The following CNTN4 variants were observed in gnomAD, a reference collection of about 807,000 sequenced individuals.
The protein encoded by CNTN4 is contactin 4.
CNTN4 carries 77 observed loss-of-function variants against 122.5 expected under a neutral mutation model. That is an observed-to-expected ratio of 0.63 (90% confidence interval 0.52 to 0.76). The LOEUF is 0.76. Among genes scored for constraint, CNTN4 ranks in the 30% least tolerant of loss-of-function variants. The probability of loss-of-function intolerance (pLI) is 0.00; values close to 1 mark genes in which losing one functional copy is unlikely to be tolerated. For synonymous variants in CNTN4, 512 were observed against 447.0 expected, an observed-to-expected ratio of 1.15 and a Z score of -1.83; for missense variants, 1,256 against 1,259.1, an observed-to-expected ratio of 1.00 and a Z score of 0.04.
At chr3:2,383,837 C>G (rs1024978391) in intron 3 of CNTN4, among the ~76,000 whole-genome samples, 7 of 151,654 alleles carry the variant, frequency 4.6e-5, no homozygotes, top group African/African-American at 1.7e-4. Context: ...CCCTATCTCA[C>G]TCCATATATA....
At position 3,023,133 on chromosome 3, in the gene CNTN4, C is replaced by T. The variant is rs192319503; in HGVS notation, c.1487-2969C>T. Among the ~76,000 whole-genome samples, 3 of 152,246 alleles carry T rather than the reference C, an allele frequency of 2.0e-5. No individual in the cohort carries two copies. In the East Asian group the frequency reaches 5.8e-4, roughly 29 times the overall value. On this transcript the variant is annotated intron_variant, in intron 14 of 24. Coordinates refer to ENST00000418658, the MANE Select transcript of CNTN4 (RefSeq NM_175607.3). ...TAATCAAGTAAAAAACATCAAAATT[C>T]ACAACACAGAAAACAAGAGTACTGA...
chr3:2,356,934 T>C (rs1000311281), intron 3 of CNTN4, among the ~76,000 whole-genome samples: 3 of 152,246 alleles, frequency 2.0e-5, no homozygotes. Flanking sequence ...TGTTAAAGAC[T>C]AGCACTAGAC....
chr3:2,452,357 C>T (rs548408122), intron 3 of CNTN4, among the ~76,000 whole-genome samples: 1 of 152,126 alleles, frequency 6.6e-6, no homozygotes, highest in Non-Finnish European at 1.5e-5. Context: ...ATGCATCATG[C>T]GAATTCACCG....
chr3:2,952,807 T>C (rs344406), intron 13 of CNTN4, among the ~76,000 whole-genome samples: 121,831 of 152,122 alleles, frequency 0.8, 48,901 homozygotes, highest in Admixed American at 0.85. Flanking sequence ...CTAATTAGAA[T>C]GCAATACCAA....
intron 6 of CNTN4, among the ~76,000 whole-genome samples, chr3:2,807,533 G>T (rs904799829): frequency 6.6e-6 from 1 of 151,386 alleles, no homozygotes; most frequent in African/African-American, 2.4e-5. Context: ...TCAGCATCCA[G>T]TATCCCAAGA....
At chr3:2,383,597 T>C (rs962324732) in intron 3 of CNTN4, among the ~76,000 whole-genome samples, 5 of 152,062 alleles carry the variant, frequency 3.3e-5, no homozygotes, top group African/African-American at 9.6e-5. Flanking sequence ...CTATTTTCTC[T>C]CTCTCTCCTT....
intron 6 of CNTN4, among the ~76,000 whole-genome samples, chr3:2,799,890 A>G (rs2092305197): frequency 6.6e-6 from 1 of 152,224 alleles, no homozygotes; most frequent in African/African-American, 2.4e-5. Context: ...TGAATAGGGT[A>G]TGCTTTCCCC....
intron 4 of CNTN4, among the ~76,000 whole-genome samples, chr3:2,654,381 A>G (rs992962505): frequency 1.3e-5 from 2 of 152,198 alleles, no homozygotes; most frequent in Non-Finnish European, 2.9e-5. Flanking sequence ...TTATTGTGCT[A>G]CTTTCAAAAT....
intron 12 of CNTN4, among the ~76,000 whole-genome samples, chr3:2,904,466 A>G (rs540851817): frequency 6.6e-6 from 1 of 152,340 alleles, no homozygotes; most frequent in South Asian, 2.1e-4. Flanking sequence ...CCTATCAAAG[A>G]TAACGATTGT....
intron 2 of CNTN4, among the ~76,000 whole-genome samples, chr3:2,122,013 G>A (rs1199167541): frequency 4.5e-5 from 6 of 134,244 alleles, no homozygotes; most frequent in Admixed American, 8.4e-5. Flanking sequence ...AAAATTAGCC[G>A]GGCGTGGTGG....
chr3:2,756,332 C>G (rs975269818), intron 6 of CNTN4, among the ~76,000 whole-genome samples: 20 of 152,242 alleles, frequency 1.3e-4, no homozygotes, highest in Non-Finnish European at 2.1e-4. Context: ...GGGATCAGTG[C>G]CCTTATAAAA....
At chr3:2,124,559 C>A (rs912809040) in intron 2 of CNTN4, among the ~76,000 whole-genome samples, 1 of 151,518 alleles carries the variant, frequency 6.6e-6, no homozygotes, top group Admixed American at 6.6e-5. Context: ...CCCAGGAGTT[C>A]AAGACCAGCT....
chr3:2,574,369 G>A (rs1261061493), intron 4 of CNTN4, among the ~76,000 whole-genome samples: 2 of 152,118 alleles, frequency 1.3e-5, no homozygotes, highest in African/African-American at 4.8e-5. Context: ...ACCATAATTA[G>A]TGACTCTCAC....
chr3:2,928,250 C>T (rs1206598216), intron 13 of CNTN4, among the ~76,000 whole-genome samples: 1 of 152,102 alleles, frequency 6.6e-6, no homozygotes, highest in Non-Finnish European at 1.5e-5. Flanking sequence ...CTTCATGAGC[C>T]ACGGGTTTTT....
chr3:2,554,083 C>T (rs1173536453), intron 3 of CNTN4, among the ~76,000 whole-genome samples: 5 of 152,132 alleles, frequency 3.3e-5, no homozygotes, highest in Non-Finnish European at 7.4e-5. Flanking sequence ...TTCAGCTTTA[C>T]TCCTGTCTGG....
chr3:2,960,442 C>A (rs1559721191), intron 13 of CNTN4, among the ~76,000 whole-genome samples: 1 of 151,794 alleles, frequency 6.6e-6, no homozygotes, highest in Non-Finnish European at 1.5e-5. Context: ...CTCTCAAAAT[C>A]AAAAATAAAA....
chr3:2,775,153 G>A (rs1289622351), intron 6 of CNTN4, among the ~76,000 whole-genome samples: 1 of 152,198 alleles, frequency 6.6e-6, no homozygotes, highest in East Asian at 1.9e-4. Context: ...GCTTTGTACA[G>A]TGACTGTAAC....
chr3:2,526,615 C>T (rs1222077766), intron 3 of CNTN4, among the ~76,000 whole-genome samples: 1 of 152,090 alleles, frequency 6.6e-6, no homozygotes, highest in Non-Finnish European at 1.5e-5. Context: ...TTTAGGGTAA[C>T]TATTACATGT....
chr3:2,993,240 A>G (rs530973197), intron 14 of CNTN4, among the ~76,000 whole-genome samples: 20 of 152,182 alleles, frequency 1.3e-4, no homozygotes, highest in African/African-American at 4.3e-4. Flanking sequence ...TTACATATTA[A>G]CTAAGGTTGC....
Sources: allele counts gnomAD v4.1 joint callset (sites outside exome capture counted in the v4.1 genomes callset), GRCh38; gene constraint gnomAD v4.1.1; transcripts MANE v1.5; gene names NCBI Gene and HGNC (gene_info 2026-07-23, HGNC 2026-07-21).